TRPM3: variants seen among roughly 807,000 people sequenced by gnomAD.
TRPM3 encodes transient receptor potential cation channel subfamily M member 3.
Under a neutral mutation model 181.2 loss-of-function variants are expected in TRPM3, and 77 were observed. That is an observed-to-expected ratio of 0.42 (90% CI 0.35 to 0.51). The LOEUF (loss-of-function observed/expected upper bound fraction) is 0.51, where lower values mean the gene tolerates loss of function less well. Ranked by LOEUF, TRPM3 falls within the 20% of genes least tolerant of loss-of-function variation. The probability of loss-of-function intolerance (pLI) is 0.01; values close to 1 mark genes in which losing one functional copy is unlikely to be tolerated. For missense variants in TRPM3, 1,759 were observed against 2,196.7 expected, an observed-to-expected ratio of 0.80 and a Z score of 3.98; for synonymous variants, 745 against 796.4, an observed-to-expected ratio of 0.94 and a Z score of 1.09.
chr9:70,843,669 C>T (rs1268838762), intron 4 of TRPM3, among the ~76,000 whole-genome samples: 1 of 152,158 alleles, frequency 6.6e-6, no homozygotes, highest in African/African-American at 2.4e-5. Flanking sequence ...AATATATAGA[C>T]ACACCTTTTA....
chr9:71,305,456 C>CT (rs2087198569), intron 1 of TRPM3, among the ~76,000 whole-genome samples: 1 of 152,094 alleles, frequency 6.6e-6, no homozygotes, highest in African/African-American at 2.4e-5. Flanking sequence ...CTGATGGCAG[C>CT]TGCTGTTGGT....
chr9:71,196,612 C>T (rs1325454526), intron 1 of TRPM3, among the ~76,000 whole-genome samples: 11 of 152,138 alleles, frequency 7.2e-5, no homozygotes, highest in Admixed American at 7.2e-4. Context: ...TGACCCCAAG[C>T]ACCCTCCACT....
chr9:71,166,337 G>A (rs540507266), intron 1 of TRPM3, among the ~76,000 whole-genome samples: 5 of 152,260 alleles, frequency 3.3e-5, no homozygotes, highest in East Asian at 1.9e-4. Flanking sequence ...AAGGAAACGA[G>A]CAGCCCAGTT....
intron 1 of TRPM3, among the ~76,000 whole-genome samples, chr9:71,202,347 C>T (rs1308282693): frequency 6.6e-6 from 1 of 152,172 alleles, no homozygotes; most frequent in East Asian, 1.9e-4. Flanking sequence ...GGGAGAACCA[C>T]TGCTCTCTTC....
chr9:70,806,415 C>A (rs1320680578), intron 6 of TRPM3, among the ~76,000 whole-genome samples: 1 of 152,028 alleles, frequency 6.6e-6, no homozygotes, highest in South Asian at 2.1e-4. Context: ...AGTTTTTGGC[C>A]GGGACGGTGG....
intron 1 of TRPM3, among the ~76,000 whole-genome samples, chr9:71,113,773 T>C (rs1440277232): frequency 2.6e-5 from 4 of 152,178 alleles, no homozygotes; most frequent in Non-Finnish European, 2.9e-5. Context: ...TTTTTAACAA[T>C]AAAAATGAGA....
intron 1 of TRPM3, among the ~76,000 whole-genome samples, chr9:71,118,242 C>A (rs915428051): frequency 3.3e-5 from 5 of 152,062 alleles, no homozygotes; most frequent in African/African-American, 1.2e-4. Flanking sequence ...CAAATGCAAC[C>A]CCAAATTCAA....
At chr9:71,398,981 G>A (rs1418905419) in intron 1 of TRPM3, among the ~76,000 whole-genome samples, 1 of 151,982 alleles carries the variant, frequency 6.6e-6, no homozygotes, top group Non-Finnish European at 1.5e-5. Context: ...CTATTAATCA[G>A]TAAAATGAAC....
intron 8 of TRPM3, among the ~76,000 whole-genome samples, chr9:70,688,559 C>T (rs1394130814): frequency 6.6e-6 from 1 of 152,140 alleles, no homozygotes; most frequent in African/African-American, 2.4e-5. Flanking sequence ...TTCCATCAAT[C>T]CTTTCTTTGG....
At chr9:71,209,899 A>T (rs1462315345) in intron 1 of TRPM3, among the ~76,000 whole-genome samples, 3 of 152,350 alleles carry the variant, frequency 2.0e-5, no homozygotes, top group Non-Finnish European at 4.4e-5. Context: ...ACCTTGTAGC[A>T]GAGACCATAT....
At chr9:70,776,265 G>A (rs1006461450) in intron 7 of TRPM3, 18 of 477,320 alleles carry the variant, frequency 3.8e-5, no homozygotes, top group East Asian at 1.4e-4. Flanking sequence ...CAAGACAAGT[G>A]GGAGGTTAGG....
At chr9:71,401,596 T>C (rs914429276) in intron 1 of TRPM3, among the ~76,000 whole-genome samples, 2 of 152,232 alleles carry the variant, frequency 1.3e-5, no homozygotes, top group African/African-American at 4.8e-5. Context: ...CAAGAATTCA[T>C]TGCATGTTCT....
chr9:71,182,926 T>C (rs2077481298), intron 1 of TRPM3, among the ~76,000 whole-genome samples: 2 of 152,118 alleles, frequency 1.3e-5, no homozygotes, highest in African/African-American at 4.8e-5. Context: ...CCTCCCAAAG[T>C]GCTGGGATTA....
intron 17 of TRPM3, among the ~76,000 whole-genome samples, chr9:70,616,932 C>T (rs2062876573): frequency 6.6e-6 from 1 of 152,178 alleles, no homozygotes; most frequent in African/African-American, 2.4e-5. Context: ...CAAGTCCTCT[C>T]TCACCTCTTC....
At chr9:71,209,586 G>T (rs148930608) in intron 1 of TRPM3, among the ~76,000 whole-genome samples, 5 of 152,298 alleles carry the variant, frequency 3.3e-5, no homozygotes, top group East Asian at 1.9e-4. Context: ...CAAAATTTGA[G>T]AGAGAGGCAA....
At chr9:70,932,669 T>C (rs1486752472) in intron 1 of TRPM3, among the ~76,000 whole-genome samples, 1 of 152,152 alleles carries the variant, frequency 6.6e-6, no homozygotes, top group Non-Finnish European at 1.5e-5. Context: ...TGTGCACAGA[T>C]ACTGTAGCAG....
rs1343039384 is a variant in TRPM3, at chr9:71,046,360, T to C, written c.177+74818A>G. 2.6e-5 allele frequency among the ~76,000 whole-genome samples: 4 copies of C among 152,236 alleles called. No homozygotes were observed. The South Asian group carries it at 8.3e-4, about 31-fold the overall frequency. The stretch of plus-strand genomic sequence containing the variant: ...GAGAATAACATTTCTAAGGAATTCA[T>C]GCTGGGAAACATCGCATGAATAACT... On this transcript the variant is annotated intron_variant, in intron 1 of 25. Coordinates refer to ENST00000677713, the MANE Select transcript of TRPM3 (RefSeq NM_001366145.2).
intron 1 of TRPM3, among the ~76,000 whole-genome samples, chr9:71,313,319 C>A (rs2088171558): frequency 6.6e-6 from 1 of 152,106 alleles, no homozygotes; most frequent in Non-Finnish European, 1.5e-5. Flanking sequence ...ATACCCAAAT[C>A]TAGTACTTTA....
At chr9:70,899,809 G>C (rs565400118) in intron 1 of TRPM3, among the ~76,000 whole-genome samples, 1 of 152,316 alleles carries the variant, frequency 6.6e-6, no homozygotes, top group Non-Finnish European at 1.5e-5. Context: ...TATAGACGTA[G>C]TTCTTAGCAT....
Sources: gnomAD v4.1 joint callset for allele counts (sites outside exome capture counted in the v4.1 genomes callset) on GRCh38, gnomAD v4.1.1 for gene constraint, MANE v1.5 for transcripts, NCBI Gene and HGNC (gene_info 2026-07-23, HGNC 2026-07-21) for gene names.